ZNF148: variants seen among roughly 807,000 people sequenced by gnomAD.
ZNF148 encodes the protein zinc finger protein 148, also known as Beta-Enolase Repressor Factor-1.
In ZNF148, 7 loss-of-function variants were observed where a neutral mutation model predicts 67.7. The observed-to-expected ratio is 0.10, with a 90% CI of 0.06 to 0.19. ZNF148 has a LOEUF of 0.19. Ranked by LOEUF, ZNF148 falls within the 10% of genes least tolerant of loss-of-function variation. The probability of loss-of-function intolerance (pLI) is 1.00; values close to 1 mark genes in which losing one functional copy is unlikely to be tolerated. For synonymous variants in ZNF148, 333 were observed against 330.7 expected (o/e 1.01, Z -0.08); for missense variants, 583 against 947.1 (o/e 0.62, Z 5.05).
chr3:125,349,694 G>A (rs2107754670), intron 1 of ZNF148, among the ~76,000 whole-genome samples: 1 of 152,292 alleles, frequency 6.6e-6, no homozygotes, highest in African/African-American at 2.4e-5. Flanking sequence ...ACTTAAAACA[G>A]GCCAGATGTG....
At chr3:125,369,487 C>T (rs191887536) in intron 1 of ZNF148, among the ~76,000 whole-genome samples, 1 of 147,410 alleles carries the variant, frequency 6.8e-6, no homozygotes, top group Non-Finnish European at 1.5e-5. Context: ...CTTCCCCCAA[C>T]AGCACACACT....
intron 7 of ZNF148, among the ~76,000 whole-genome samples, chr3:125,242,894 C>T (rs147474351): frequency 2.0e-5 from 3 of 152,308 alleles, no homozygotes; most frequent in East Asian, 3.9e-4. Context: ...TAAGCCAGAA[C>T]CAAAATGTTT....
In ZNF148 at chr3:125,233,738, C is replaced by G. The variant is rs761436030; in HGVS notation, c.988G>C (p.Glu330Gln). Residue 330 changes from glutamate (E) to glutamine (Q), a missense_variant, in exon 9 of 9, where the codon GAG becomes CAG. By Grantham distance (29) the Glu-to-Gln change is conservative (BLOSUM62 2). Coordinates refer to ENST00000360647, the MANE Select transcript of ZNF148 (RefSeq NM_021964.3). This position sits in a 1 kb window ranked among gnomAD's most constrained non-coding sequence, Gnocchi z 5.1. ...AGGTCAGATTTGTCCAAAGCACTCTCTTTGTCCATTCCAGATGATTTTTTC... is the reference window on the plus strand; with the variant it reads ...AGGTCAGATTTGTCCAAAGCACTCTGTTTGTCCATTCCAGATGATTTTTTC... The part of the protein sequence containing the change: ...TEKKSSGMDK[E>Q]SALDKSDLKK... 1.2e-6 allele frequency: 2 copies of G among 1,613,800 alleles called. No homozygotes were observed. The highest frequency in any genetic ancestry group is 3.3e-5 in the Admixed American group (2 of 59,934).
At chr3:125,356,404 T>C (rs549075388) in intron 1 of ZNF148, among the ~76,000 whole-genome samples, 9 of 152,292 alleles carry the variant, frequency 5.9e-5, no homozygotes, top group African/African-American at 1.9e-4. Flanking sequence ...TCTATACCTG[T>C]ATCATGCTAA....
intron 4 of ZNF148, among the ~76,000 whole-genome samples, chr3:125,307,951 G>A (rs370757775): frequency 3.3e-5 from 5 of 151,702 alleles, no homozygotes; most frequent in Non-Finnish European, 5.9e-5. Context: ...CACTGCACCC[G>A]GCCCCTAACA....
At chr3:125,327,475 G>A (rs557131720) in intron 2 of ZNF148, among the ~76,000 whole-genome samples, 9 of 152,248 alleles carry the variant, frequency 5.9e-5, no homozygotes, top group Admixed American at 1.3e-4. Context: ...CAGGCCACAC[G>A]CGGGGCCATA....
chr3:125,312,536 CAA>C (rs1188413251), intron 4 of ZNF148, among the ~76,000 whole-genome samples: 2 of 152,106 alleles, frequency 1.3e-5, no homozygotes, highest in Non-Finnish European at 2.9e-5. Context: ...AACCTAGAGT[CAA>C]GAGAAGTGAC....
chr3:125,258,195 GGC>G lies in ZNF148; in HGVS notation c.667+19529_667+19530del, dbSNP rs377033877. On this transcript the variant is annotated intron_variant, in intron 7 of 8. Transcript: ENST00000360647. ...CCCAGAACTTTGGGAGGCCAAGGTG[GGC>G]GGATCATGAGGTCAGGAGATCGAAA... Among the ~76,000 whole-genome samples, 34 of 152,048 alleles carry G rather than the reference GGC, an allele frequency of 2.2e-4. 1 individual carries two copies. The highest frequency in any genetic ancestry group is 8.0e-4 in the African/African-American group (33 of 41,482).
At chr3:125,337,866 C>T (rs1051961548) in intron 1 of ZNF148, among the ~76,000 whole-genome samples, 14 of 152,058 alleles carry the variant, frequency 9.2e-5, no homozygotes, top group African/African-American at 3.4e-4. Flanking sequence ...CTTTGGGAGG[C>T]CAAGGTGAGA....
At chr3:125,274,671 T>C (rs1040718441) in intron 7 of ZNF148, among the ~76,000 whole-genome samples, 1 of 152,158 alleles carries the variant, frequency 6.6e-6, no homozygotes, top group Non-Finnish European at 1.5e-5. Context: ...GATTTTTAAC[T>C]ATGTTGCAAA....
Position 125,371,987 on chromosome 3 carries a change from C to T in ZNF148, c.-234+3115G>A, listed in dbSNP as rs528914810. Among the ~76,000 whole-genome samples, 3 of 151,276 alleles carry T rather than the reference C, an allele frequency of 2.0e-5. No individual in the cohort carries two copies. The South Asian group carries it at 6.3e-4, about 32-fold the overall frequency. ...GCTGAGGCAGGAGAATGGCGTGAACCTGGGAGGCAGAGCTTGCAGTGAGCC... is the reference window on the plus strand; with the variant it reads ...GCTGAGGCAGGAGAATGGCGTGAACTTGGGAGGCAGAGCTTGCAGTGAGCC... On this transcript the variant is annotated intron_variant, in intron 1 of 8. Transcript: ENST00000360647.
At chr3:125,322,027 CTTTTTTTTTT>C (rs35879999) in intron 3 of ZNF148, among the ~76,000 whole-genome samples, 1 of 82,928 alleles carries the variant, frequency 1.2e-5, no homozygotes, top group Admixed American at 1.8e-4. Context: ...TAATCAACGG[CTTTTTTTTTT>C]TTTTTTTTTT....
intron 1 of ZNF148, among the ~76,000 whole-genome samples, chr3:125,368,566 A>G (rs528641737): frequency 4.6e-5 from 7 of 152,356 alleles, no homozygotes; most frequent in African/African-American, 1.7e-4. Context: ...AACCTTCAGC[A>G]TTTCTAAAAA....
chr3:125,310,613 C>G (rs375626890), intron 4 of ZNF148, among the ~76,000 whole-genome samples: 1 of 151,480 alleles, frequency 6.6e-6, no homozygotes, highest in African/African-American at 2.4e-5. Context: ...AAAATTAGAG[C>G]AGAAATAAAT....
intron 7 of ZNF148, among the ~76,000 whole-genome samples, chr3:125,249,473 A>C (rs916604637): frequency 2.0e-5 from 3 of 152,212 alleles, no homozygotes; most frequent in Non-Finnish European, 2.9e-5. Context: ...ATGAGATGTC[A>C]TCTCAAACCT....
At chr3:125,313,096 T>C (rs1014360864) in intron 4 of ZNF148, among the ~76,000 whole-genome samples, 1 of 152,152 alleles carries the variant, frequency 6.6e-6, no homozygotes. Flanking sequence ...CTGAGAAATA[T>C]TGTTATCCTG....
At chr3:125,280,534 A>T (rs1341351481) in intron 5 of ZNF148, among the ~76,000 whole-genome samples, 1 of 151,842 alleles carries the variant, frequency 6.6e-6, no homozygotes, top group Non-Finnish European at 1.5e-5. Context: ...TACAAAAATT[A>T]GCCAGGTGTG....
chr3:125,291,128 A>G (rs1938987911), intron 4 of ZNF148, among the ~76,000 whole-genome samples: 1 of 151,838 alleles, frequency 6.6e-6, no homozygotes, highest in African/African-American at 2.4e-5. Context: ...AAGATGACTG[A>G]CTCCTTGGAA....
chr3:125,227,604 A>G lies in ZNF148; in HGVS notation c.*4737T>C, dbSNP rs1935692228. The G allele has an allele frequency of 1.3e-5, 2 of 152,650 alleles. No homozygotes were observed. The highest frequency in any genetic ancestry group is 2.9e-5 in the Non-Finnish European group (2 of 68,022). The allele number at this position is 152,650 out of a possible 1,614,324, so 9.5% of individuals were successfully genotyped here. A position where few individuals can be genotyped will look rare whatever the true frequency, so the allele number is the denominator to read the frequency against. The stretch of plus-strand genomic sequence containing the variant: ...TTTATTTGGATACCAAGTTCCCTTC[A>G]GACAGCATTAAAATAAAGACAAGTA... On this transcript the variant is annotated 3_prime_UTR_variant, in exon 9 of 9. Coordinates refer to ENST00000360647, the MANE Select transcript of ZNF148 (RefSeq NM_021964.3).
Sources: gnomAD v4.1 joint callset for allele counts (sites outside exome capture counted in the v4.1 genomes callset) on GRCh38, gnomAD v4.1.1 for gene constraint, Gnocchi (gnomAD v3.1) non-coding constraint, MANE v1.5 for transcripts, NCBI Gene and HGNC (gene_info 2026-07-23, HGNC 2026-07-21) for gene names.